Variants in GRAMD2B observed in about 807,000 individuals in gnomAD.
GRAMD2B encodes GRAM domain-containing protein 2B.
A neutral mutation model predicts 59.2 loss-of-function variants in GRAMD2B; 41 were observed. The ratio of observed to expected loss-of-function variants is 0.69; its 90% CI spans 0.54 to 0.90. The LOEUF (loss-of-function observed/expected upper bound fraction) is 0.90, where lower values mean the gene tolerates loss of function less well. Ranked by LOEUF, GRAMD2B falls within the 40% of genes least tolerant of loss-of-function variation. GRAMD2B has a pLI of 0.00. For synonymous variants in GRAMD2B, 161 were observed against 182.7 expected, an observed-to-expected ratio of 0.88 and a Z score of 0.96; for missense variants, 424 against 500.5, an observed-to-expected ratio of 0.85 and a Z score of 1.46.
upstream of GRAMD2B, among the ~76,000 whole-genome samples, chr5:126,420,068 A>AAG (rs1241226427): frequency 2.6e-5 from 4 of 150,944 alleles, no homozygotes; most frequent in African/African-American, 4.9e-5. Flanking sequence ...AAAAAAAAAA[A>AAG]AAAAAGAAAG....
At position 126,493,638 on chromosome 5, in the gene GRAMD2B, C is replaced by T. The variant is rs1774298533; in HGVS notation, c.*682C>T. 6.6e-6 allele frequency: 1 copy of T among 152,118 alleles called. No homozygotes were observed. Among genetic ancestry groups the T allele is most frequent in the South Asian group, 2.1e-4 (1 of 4,824 alleles). The allele number at this position is 152,118 out of a possible 1,614,324, so 9.4% of individuals were successfully genotyped here. On this transcript the variant is annotated 3_prime_UTR_variant, in exon 14 of 14. Transcript: ENST00000285689. ...ATAGTTAATTGGACTGATTCTTACC[C>T]AGCCCTGGTCAAGAATCTGTGAGGC...
intron 1 of GRAMD2B, among the ~76,000 whole-genome samples, chr5:126,460,417 T>G (rs955744353): frequency 1.5e-4 from 23 of 152,334 alleles, no homozygotes; most frequent in Admixed American, 2.0e-4. Flanking sequence ...CAAAAATATA[T>G]GTATCAGAAT....
At chr5:126,420,129 C>A (rs184393769), upstream of GRAMD2B, among the ~76,000 whole-genome samples, 163 of 151,136 alleles carry the variant, frequency 1.1e-3, no homozygotes, top group African/African-American at 3.7e-3. Context: ...AATTTGGATT[C>A]CCAGAGACTT....
At chr5:126,400,268 A>T (rs12055299) in intron 1 of GRAMD2B, among the ~76,000 whole-genome samples, 1 of 152,266 alleles carries the variant, frequency 6.6e-6, no homozygotes, top group East Asian at 1.9e-4. Context: ...CACAAGGAAC[A>T]TCTTATAATT....
chr5:126,427,066 C>T (rs576849269), intron 1 of GRAMD2B, among the ~76,000 whole-genome samples: 5 of 152,252 alleles, frequency 3.3e-5, no homozygotes, highest in Admixed American at 1.3e-4. Flanking sequence ...TTTTTTGACA[C>T]ACATTTTTGT....
At chr5:126,458,517 C>T (rs948211646) in intron 1 of GRAMD2B, among the ~76,000 whole-genome samples, 4 of 151,746 alleles carry the variant, frequency 2.6e-5, no homozygotes, top group Non-Finnish European at 4.4e-5. Flanking sequence ...CATCTTTGTA[C>T]GTTCATGGAT....
At chr5:126,485,899 T>A in intron 11 of GRAMD2B, 126 bp downstream of exon 11, 1 of 610,286 alleles carries the variant, frequency 1.6e-6, no homozygotes, top group Non-Finnish European at 2.7e-6. Flanking sequence ...CATCTTTACT[T>A]TGACAATTTC....
intron 1 of GRAMD2B, among the ~76,000 whole-genome samples, chr5:126,388,654 T>C (rs1421190249): frequency 6.6e-6 from 1 of 151,512 alleles, no homozygotes; most frequent in Non-Finnish European, 1.5e-5. Context: ...GATCACGTTG[T>C]ATAAGCCATG....
At chr5:126,482,996 G>A (rs1300103989) in intron 8 of GRAMD2B, among the ~76,000 whole-genome samples, 3 of 152,122 alleles carry the variant, frequency 2.0e-5, no homozygotes, top group Non-Finnish European at 4.4e-5. Context: ...GGTCTAATTG[G>A]CTAAAGCCAC....
At chr5:126,409,693 C>A (rs1160121094) in intron 1 of GRAMD2B, among the ~76,000 whole-genome samples, 1 of 151,962 alleles carries the variant, frequency 6.6e-6, no homozygotes, top group African/African-American at 2.4e-5. Flanking sequence ...TTTGGTTTAA[C>A]TAGATCCCAT....
exon 1 of GRAMD2B, chr5:126,360,353 C>G: frequency 6.4e-7 from 1 of 1,551,288 alleles, no homozygotes; most frequent in Non-Finnish European, 8.7e-7. Flanking sequence ...ACAGCAAGTC[C>G]TACAAGCAAA....
chr5:126,474,691 G>A (rs1166609455), intron 5 of GRAMD2B, among the ~76,000 whole-genome samples: 3 of 152,164 alleles, frequency 2.0e-5, no homozygotes, highest in Non-Finnish European at 1.5e-5. Flanking sequence ...CTTTGTTAAG[G>A]GATGGGGGAT....
At chr5:126,465,028 G>A (rs1768041683) in intron 1 of GRAMD2B, 2 of 1,008,464 alleles carry the variant, frequency 2.0e-6, no homozygotes, top group Non-Finnish European at 2.4e-6. Context: ...AGGGGTGGGG[G>A]TTCCCAGCAG....
intron 1 of GRAMD2B, among the ~76,000 whole-genome samples, chr5:126,383,887 G>A (rs1212125593): frequency 3.3e-5 from 5 of 152,196 alleles, no homozygotes; most frequent in African/African-American, 1.2e-4. Context: ...CTCTTTGAAA[G>A]AGAAGGTCAG....
chr5:126,446,470 AC>A (rs369692347), intron 1 of GRAMD2B, among the ~76,000 whole-genome samples: 1 of 152,012 alleles, frequency 6.6e-6, no homozygotes, highest in African/African-American at 2.4e-5. Context: ...TTTCATATTA[AC>A]CCCCCAAAAC....
chr5:126,439,292 A>AGATAAAAT (rs1480527581), intron 1 of GRAMD2B, among the ~76,000 whole-genome samples: 1 of 151,590 alleles, frequency 6.6e-6, no homozygotes, highest in African/African-American at 2.4e-5. Flanking sequence ...TGTTGAATAT[A>AGATAAAAT]GATAAAATTG....
At chr5:126,383,653 GA>G (rs1561464868) in intron 1 of GRAMD2B, among the ~76,000 whole-genome samples, 2 of 152,030 alleles carry the variant, frequency 1.3e-5, no homozygotes, top group African/African-American at 4.8e-5. Context: ...AAAACTATGC[GA>G]ACAAATTAGT....
At chr5:126,380,256 A>T (rs1217437506) in intron 1 of GRAMD2B, among the ~76,000 whole-genome samples, 1 of 151,954 alleles carries the variant, frequency 6.6e-6, no homozygotes, top group African/African-American at 2.4e-5. Context: ...ATTCTGCTCC[A>T]TTGGTCTATG....
intron 9 of GRAMD2B, 141 bp from the exon 10 acceptor site, chr5:126,484,261 A>G (rs1772444797): frequency 1.1e-6 from 1 of 909,244 alleles, no homozygotes; most frequent in African/African-American, 1.7e-5. Context: ...TTTCAGCCCC[A>G]GCCACCACAA....
Sources: gnomAD v4.1 joint callset for allele counts (sites outside exome capture counted in the v4.1 genomes callset) on GRCh38, gnomAD v4.1.1 for gene constraint, MANE v1.5 for transcripts, NCBI Gene and HGNC (gene_info 2026-07-23, HGNC 2026-07-21) for gene names.